The following AKAP9 variants were observed in gnomAD, a reference collection of about 807,000 sequenced individuals.
AKAP9 encodes A-kinase anchor protein 9.
A neutral mutation model predicts 488.5 loss-of-function variants in AKAP9; 311 were observed. That is an observed-to-expected ratio of 0.64 (90% CI 0.58 to 0.70). AKAP9 has a LOEUF of 0.70. AKAP9 is among the 30% of genes least tolerant of loss of function. The pLI, the probability that AKAP9 is intolerant of heterozygous loss-of-function variation, is 0.00. For synonymous variants in AKAP9, 1,462 were observed against 1,483.5 expected (o/e 0.99, Z 0.33); for missense variants, 4,215 against 4,374.5 (o/e 0.96, Z 1.03).
At chr7:92,035,069 C>A (rs1479476825) in intron 16 of AKAP9, among the ~76,000 whole-genome samples, 1 of 152,134 alleles carries the variant, frequency 6.6e-6, no homozygotes, top group African/African-American at 2.4e-5. Context: ...GCATTTAATG[C>A]TATACTCGAA....
In AKAP9 at chr7:92,014,279, T is replaced by C. The variant is rs147986403; in HGVS notation, c.3563T>C (p.Ile1188Thr). 28 of 1,613,482 alleles carry C rather than the reference T, an allele frequency of 1.7e-5. No individual in the cohort carries two copies. Among genetic ancestry groups the C allele is most frequent in the African/African-American group, 4.0e-5 (3 of 75,042 alleles). Residue 1188 changes from isoleucine (I) to threonine (T), a missense_variant, in exon 10 of 50, where the codon ATT (isoleucine) becomes ACT (threonine). This residue lies in a region of AKAP9 where 2,361 missense variants were observed against 2,430.0 expected (regional missense o/e 0.97). Coordinates refer to ENST00000356239, the MANE Select transcript of AKAP9 (RefSeq NM_005751.5). ...GAAGGAAAGCCTTTACATCTGCTCA[T>C]TGGAAAACTTCAAAAGGCAGTGTCT... ...GDEGKPLHLLIGKLQKAVSEE... is the reference protein window; with the variant it reads ...GDEGKPLHLLTGKLQKAVSEE...
At chr7:92,054,456 A>G (rs1233696432) in intron 22 of AKAP9, among the ~76,000 whole-genome samples, 1 of 152,074 alleles carries the variant, frequency 6.6e-6, no homozygotes, top group Admixed American at 6.6e-5. Flanking sequence ...AGCTTTGTAC[A>G]GGATACTCTG....
chr7:92,064,427 T>C lies in AKAP9; in HGVS notation c.5978-804T>C, dbSNP rs536873183. On this transcript the variant is annotated intron_variant, in intron 24 of 49. Transcript: ENST00000356239. The stretch of plus-strand genomic sequence containing the variant: ...AATATTAATAGCTAACACATAGTGC[T>C]TACCATACCTCAGACACTCTTCTTT... Among the ~76,000 whole-genome samples the C allele has an allele frequency of 9.8e-5, 15 of 152,294 alleles. No individual in the cohort carries two copies. In the South Asian group the frequency reaches 3.1e-3, roughly 32 times the overall value.
Position 92,001,221 on chromosome 7 carries a change from C to T in AKAP9, c.1304C>T (p.Ala435Val), listed in dbSNP as rs1231794321. The part of the protein sequence containing the change: ...ETQRKLEQLR[A>V]ELDEMYGQQI... ...CAAAGAAAGTTAGAACAACTCCGGG[C>T]AGAGCTGGATGAGATGTATGGGCAG... Residue 435 changes from alanine to valine, a missense_variant, in exon 8 of 50, where the codon GCA becomes GTA. By Grantham distance (64) the Ala-to-Val change is moderately conservative. Transcript: ENST00000356239. 6.2e-7 allele frequency: 1 copy of T among 1,613,700 alleles called. No homozygotes were observed. Among genetic ancestry groups the T allele is most frequent in the Non-Finnish European group, 8.5e-7 (1 of 1,179,924 alleles).
intron 17 of AKAP9, among the ~76,000 whole-genome samples, chr7:92,039,339 G>A (rs572540109): frequency 2.6e-5 from 4 of 152,142 alleles, no homozygotes; most frequent in Non-Finnish European, 5.9e-5. Flanking sequence ...AAATCCCATT[G>A]TAAGTTGTAC....
chr7:92,034,678 T>G (rs1169426690), intron 16 of AKAP9, among the ~76,000 whole-genome samples: 4 of 141,040 alleles, frequency 2.8e-5, no homozygotes, highest in South Asian at 2.2e-4. Context: ...TTTTTGTGGG[T>G]TTTTTTTTTT....
At position 92,065,142 on chromosome 7, in the gene AKAP9, C is replaced by T. The variant is rs568045971; in HGVS notation, c.5978-89C>T. Reference sequence around the variant, plus strand: ...AAAATAATTCTCAGCCTTTCATGAACGTAAAATTTGGACATAGTTATCAGG... The same window carrying T: ...AAAATAATTCTCAGCCTTTCATGAATGTAAAATTTGGACATAGTTATCAGG... On this transcript the variant is annotated intron_variant, in intron 24 of 49. Coordinates refer to ENST00000356239, the MANE Select transcript of AKAP9 (RefSeq NM_005751.5). 1.9e-4 allele frequency: 150 copies of T among 769,504 alleles called. No individual in the cohort carries two copies. The African/African-American group carries it at 2.0e-3, about 10-fold the overall frequency. The allele number at this position is 769,504 out of a possible 1,614,324, so 47.7% of individuals were successfully genotyped here.
At chr7:92,095,359 TTTTG>T (rs1036956658) in intron 40 of AKAP9, among the ~76,000 whole-genome samples, 186 bp downstream of exon 40, 7 of 152,236 alleles carry the variant, frequency 4.6e-5, no homozygotes, top group African/African-American at 9.6e-5. Context: ...GATTGGTTTT[TTTTG>T]TTTGTTTGTT....
At chr7:92,070,248 G>T in intron 27 of AKAP9, 42 bp downstream of exon 27, 1 of 1,584,252 alleles carries the variant, frequency 6.3e-7, no homozygotes, top group South Asian at 1.1e-5. Flanking sequence ...GTGTTTTAAT[G>T]AAGAATACTC....
chr7:92,105,556 G>T, intron 46 of AKAP9, 122 bp from the exon 47 acceptor site: 1 of 770,518 alleles, frequency 1.3e-6, no homozygotes, highest in Non-Finnish European at 2.3e-6. Flanking sequence ...AGTTTAACTG[G>T]GCAATTGTGA....
At chr7:91,963,673 A>G (rs564900492) in intron 1 of AKAP9, among the ~76,000 whole-genome samples, 105 of 152,136 alleles carry the variant, frequency 6.9e-4, no homozygotes, top group Non-Finnish European at 1.3e-3. Flanking sequence ...ACCCGCCACC[A>G]TGCCCGGCTA....
At chr7:91,952,604 A>G (rs1212659986) in intron 1 of AKAP9, among the ~76,000 whole-genome samples, 2 of 152,186 alleles carry the variant, frequency 1.3e-5, no homozygotes, top group African/African-American at 2.4e-5. Context: ...ACAAAATGGA[A>G]AAAGCACAGA....
At chr7:92,049,359 C>A (rs1346749846) in intron 21 of AKAP9, among the ~76,000 whole-genome samples, 1 of 152,098 alleles carries the variant, frequency 6.6e-6, no homozygotes, top group Non-Finnish European at 1.5e-5. Flanking sequence ...CACCTGTAAT[C>A]GCAGCACTTT....
At chr7:92,005,042 T>C (rs1799639837) in intron 8 of AKAP9, among the ~76,000 whole-genome samples, 2 of 152,260 alleles carry the variant, frequency 1.3e-5, no homozygotes, top group Non-Finnish European at 2.9e-5. Flanking sequence ...TGTTGAATTT[T>C]GTCCAAGGCC....
chr7:92,094,952 T>C, intron 39 of AKAP9, 71 bp from the exon 40 acceptor site: 1 of 1,409,394 alleles, frequency 7.1e-7, no homozygotes, highest in East Asian at 2.3e-5. Context: ...CAGTAGAAGC[T>C]GTTTTTCTCT....
intron 3 of AKAP9, among the ~76,000 whole-genome samples, chr7:91,981,766 C>T (rs1000127763): frequency 3.9e-5 from 6 of 151,920 alleles, no homozygotes; most frequent in Middle Eastern, 3.2e-3. Context: ...CCACCACACC[C>T]GGCTAATTTT....
intron 21 of AKAP9, among the ~76,000 whole-genome samples, chr7:92,051,916 T>C (rs764859442): frequency 2.2e-4 from 34 of 152,236 alleles, no homozygotes; most frequent in Non-Finnish European, 4.1e-4. Context: ...GTGAATAGCC[T>C]ATGCTTTTAT....
chr7:92,062,698 G>A (rs993718371), intron 24 of AKAP9, among the ~76,000 whole-genome samples: 8 of 151,856 alleles, frequency 5.3e-5, no homozygotes, highest in African/African-American at 1.7e-4. Context: ...TTAGGCAGAT[G>A]TTAACAGGAA....
intron 36 of AKAP9, 43 bp downstream of exon 36, chr7:92,085,729 T>C (rs942046089): frequency 7.3e-7 from 1 of 1,377,114 alleles, no homozygotes; most frequent in East Asian, 2.5e-5. Flanking sequence ...TTATGTATTA[T>C]TTGAACAATA....
Sources: gnomAD v4.1 joint callset for allele counts (sites outside exome capture counted in the v4.1 genomes callset) on GRCh38, gnomAD v4.1.1 for gene constraint, gnomAD v4.1.1 regional missense constraint, MANE v1.5 for transcripts, NCBI Gene and HGNC (gene_info 2026-07-23, HGNC 2026-07-21) for gene names.